The following CFAP96 variants were observed in gnomAD, a reference collection of about 807,000 sequenced individuals.
CFAP96 encodes cilia and flagella associated protein 96, also known as cilia-and flagella-associated protein 96.
chr4:185,426,574 T>C, the CFAP96 span, among the ~76,000 whole-genome samples: 1 of 152,244 alleles, frequency 6.6e-6, no homozygotes, highest in Non-Finnish European at 1.5e-5. Flanking sequence ...AATTCGGCTA[T>C]GCTCTATTTT....
At chr4:185,421,693 C>T in the CFAP96 span, among the ~76,000 whole-genome samples, 393 of 152,308 alleles carry the variant, frequency 2.6e-3, no homozygotes, top group Middle Eastern at 0.014. Context: ...GACCCAGTCT[C>T]AGGTATTCCT....
At chr4:185,426,909 A>T in the CFAP96 span, among the ~76,000 whole-genome samples, 7 of 75,460 alleles carry the variant, frequency 9.3e-5, no homozygotes, top group Admixed American at 1.0e-3. Flanking sequence ...AAAAAAAAAA[A>T]AAAAAATAGC....
the CFAP96 span, chr4:185,431,984 C>A: frequency 3.2e-6 from 5 of 1,547,358 alleles, no homozygotes; most frequent in African/African-American, 5.5e-5. Flanking sequence ...CTTTAAAGGA[C>A]CCTTTAATGA....
chr4:185,449,560 C>T, the CFAP96 span: 4 of 1,361,172 alleles, frequency 2.9e-6, no homozygotes, highest in South Asian at 2.7e-5. Flanking sequence ...TGACTTGCAC[C>T]TATAAAATTA....
chr4:185,423,114 CT>C, the CFAP96 span, among the ~76,000 whole-genome samples: 1 of 152,220 alleles, frequency 6.6e-6, no homozygotes, highest in Non-Finnish European at 1.5e-5. Flanking sequence ...CTGTCTCGGC[CT>C]CCCAAAGTGC....
chr4:185,436,468 TG>T, the CFAP96 span: 50 of 777,214 alleles, frequency 6.4e-5, no homozygotes, highest in South Asian at 2.2e-4. Context: ...TCCCAGCACT[TG>T]GGGTGGCCGA....
chr4:185,432,290 G>GT, the CFAP96 span: 1 of 992,294 alleles, frequency 1.0e-6, no homozygotes, highest in South Asian at 1.7e-5. Context: ...ACTTACTTAT[G>GT]TAAGATGAAT....
chr4:185,432,074 C>T, the CFAP96 span: 1 of 1,551,586 alleles, frequency 6.4e-7, no homozygotes. Context: ...TTTTGATCCC[C>T]ATTTTGTAAG....
the CFAP96 span, chr4:185,449,681 T>C: frequency 7.2e-7 from 1 of 1,381,432 alleles, no homozygotes; most frequent in Admixed American, 2.3e-5. Context: ...ATCTTAACTA[T>C]GAGTAATTCA....
At chr4:185,413,987 C>A in the CFAP96 span, 2 of 919,412 alleles carry the variant, frequency 2.2e-6, no homozygotes, top group South Asian at 2.5e-5. Flanking sequence ...TAAAAGTTTC[C>A]AAACACTTAT....
the CFAP96 span, among the ~76,000 whole-genome samples, chr4:185,445,784 A>AT: frequency 6.6e-6 from 1 of 152,212 alleles, no homozygotes; most frequent in Non-Finnish European, 1.5e-5. Flanking sequence ...AGCAATTATA[A>AT]TACTAACATT....
chr4:185,435,510 T>C, the CFAP96 span, among the ~76,000 whole-genome samples: 1 of 152,222 alleles, frequency 6.6e-6, no homozygotes, highest in Non-Finnish European at 1.5e-5. Context: ...CTTTGATGAT[T>C]TTACATAGAT....
the CFAP96 span, chr4:185,444,875 C>A: frequency 7.9e-7 from 1 of 1,269,240 alleles, no homozygotes; most frequent in Non-Finnish European, 1.1e-6. Context: ...ACTCCACAGA[C>A]TACAAAAATA....
the CFAP96 span, chr4:185,425,759 T>C: frequency 9.9e-6 from 15 of 1,517,750 alleles, no homozygotes; most frequent in Non-Finnish European, 1.3e-5. Context: ...GCTGCCATCT[T>C]GGACCCCGGC....
At chr4:185,436,712 A>AAATAATAATAATAAT in the CFAP96 span, among the ~76,000 whole-genome samples, 22,390 of 143,892 alleles carry the variant, frequency 0.16, 2,133 homozygotes, top group East Asian at 0.35. Flanking sequence ...TCCGTCTCAA[A>AAATAATAATAATAAT]AATAATAATA....
chr4:185,426,575 G>C, the CFAP96 span, among the ~76,000 whole-genome samples: 1 of 152,294 alleles, frequency 6.6e-6, no homozygotes, highest in Admixed American at 6.5e-5. Context: ...ATTCGGCTAT[G>C]CTCTATTTTC....
the CFAP96 span, among the ~76,000 whole-genome samples, chr4:185,418,180 T>C: frequency 6.6e-6 from 1 of 152,194 alleles, no homozygotes; most frequent in Non-Finnish European, 1.5e-5. Context: ...TTAAGTAATT[T>C]ATAAATGTAT....
chr4:185,436,555 C>T, the CFAP96 span, among the ~76,000 whole-genome samples: 1 of 151,844 alleles, frequency 6.6e-6, no homozygotes, highest in Non-Finnish European at 1.5e-5. Context: ...ACTAATCTTA[C>T]AAAAATTAGC....
the CFAP96 span, among the ~76,000 whole-genome samples, chr4:185,442,964 GTGAT>G: frequency 1.6e-4 from 25 of 152,216 alleles, no homozygotes; most frequent in East Asian, 2.3e-3. Flanking sequence ...AATTTGAAGT[GTGAT>G]TGGTCTGTAT....
Sources: gnomAD v4.1 joint callset for allele counts (sites outside exome capture counted in the v4.1 genomes callset) on GRCh38, gnomAD v4.1.1 for gene constraint, MANE v1.5 for transcripts, NCBI Gene and HGNC (gene_info 2026-07-23, HGNC 2026-07-21) for gene names.